The following PDE4D variants were observed in gnomAD, a reference collection of about 807,000 sequenced individuals.
The protein encoded by PDE4D is phosphodiesterase 4D, also known as 3',5'-cyclic-AMP phosphodiesterase 4D.
A neutral mutation model predicts 87.4 loss-of-function variants in PDE4D; 24 were observed. The observed-to-expected ratio is 0.27, with a 90% CI of 0.20 to 0.39. PDE4D has a LOEUF of 0.39. Ranked by LOEUF, PDE4D falls within the 10% of genes least tolerant of loss-of-function variation. PDE4D has a pLI of 1.00. For synonymous variants in PDE4D, 384 were observed against 383.2 expected (o/e 1.00, Z -0.02); for missense variants, 714 against 1,041.0 (o/e 0.69, Z 4.32).
chr5:58,980,553 T>G (rs1744866744), intron 11 of PDE4D, among the ~76,000 whole-genome samples: 1 of 152,198 alleles, frequency 6.6e-6, no homozygotes. Flanking sequence ...TTTTATTATA[T>G]ATAGATCAAT....
At chr5:59,627,961 G>T (rs1579972954) in intron 1 of PDE4D, among the ~76,000 whole-genome samples, 1 of 152,162 alleles carries the variant, frequency 6.6e-6, no homozygotes, top group African/African-American at 2.4e-5. Context: ...TGTCCTTAAA[G>T]ACATGTTTCT....
intron 2 of PDE4D, among the ~76,000 whole-genome samples, chr5:59,199,321 G>C (rs1380407688): frequency 6.6e-6 from 1 of 150,824 alleles, no homozygotes; most frequent in African/African-American, 2.4e-5. Context: ...TTGAACTCCT[G>C]GGCTGAAGTG....
intron 1 of PDE4D, among the ~76,000 whole-genome samples, chr5:60,284,807 T>C (rs879474548): frequency 2.0e-5 from 3 of 149,602 alleles, no homozygotes; most frequent in Non-Finnish European, 2.9e-5. Context: ...GTTAAATGAA[T>C]ATATTAAAGT....
intron 1 of PDE4D, among the ~76,000 whole-genome samples, chr5:59,804,436 G>A (rs1767511171): frequency 6.6e-6 from 1 of 152,186 alleles, no homozygotes; most frequent in Admixed American, 6.5e-5. Flanking sequence ...TGGGCAACAA[G>A]TTTGGTTGCC....
chr5:59,610,948 G>A (rs1828922671), intron 1 of PDE4D, among the ~76,000 whole-genome samples: 1 of 152,170 alleles, frequency 6.6e-6, no homozygotes, highest in East Asian at 1.9e-4. Context: ...CTCTTAGAAA[G>A]TGGGAAGAAA....
At chr5:59,341,003 G>A (rs900720114) in intron 1 of PDE4D, among the ~76,000 whole-genome samples, 3 of 152,134 alleles carry the variant, frequency 2.0e-5, no homozygotes, top group Admixed American at 2.0e-4. Flanking sequence ...CACAGTATTA[G>A]TATTTAAACA....
intron 1 of PDE4D, among the ~76,000 whole-genome samples, chr5:59,412,104 G>A (rs1439558430): frequency 1.3e-5 from 2 of 152,136 alleles, no homozygotes; most frequent in African/African-American, 2.4e-5. Context: ...TTTCTGTGAT[G>A]AACTTTTATA....
At chr5:60,464,278 T>C (rs1176050000) in intron 1 of PDE4D, among the ~76,000 whole-genome samples, 1 of 152,236 alleles carries the variant, frequency 6.6e-6, no homozygotes, top group Non-Finnish European at 1.5e-5. Context: ...TTGAATTTCA[T>C]GTTTTACAAA....
chr5:59,829,705 A>C (rs1740887628), intron 1 of PDE4D, among the ~76,000 whole-genome samples: 1 of 152,098 alleles, frequency 6.6e-6, no homozygotes, highest in South Asian at 2.1e-4. Context: ...AACCCTTTGC[A>C]AAATCACTAT....
intron 1 of PDE4D, among the ~76,000 whole-genome samples, chr5:59,841,126 T>C (rs1742940853): frequency 6.6e-6 from 1 of 152,102 alleles, no homozygotes; most frequent in African/African-American, 2.4e-5. Context: ...GCCACTGAGA[T>C]AATTCTAGCC....
chr5:59,175,478 T>TC (rs1783682792), intron 5 of PDE4D, among the ~76,000 whole-genome samples: 1 of 126,790 alleles, frequency 7.9e-6, no homozygotes, highest in Non-Finnish European at 1.7e-5. Context: ...TTTCTTTTTT[T>TC]TTTTTTTTTT....
intron 1 of PDE4D, among the ~76,000 whole-genome samples, chr5:60,314,502 A>G (rs980728391): frequency 1.3e-5 from 2 of 152,108 alleles, no homozygotes; most frequent in East Asian, 1.9e-4. Flanking sequence ...TATTATTATT[A>G]TACTTTAAGT....
At chr5:59,063,385 T>C (rs1307196716) in intron 5 of PDE4D, 1 of 152,222 alleles carries the variant, frequency 6.6e-6, no homozygotes, top group African/African-American at 2.4e-5. Context: ...TCACTTTTAT[T>C]GGCCAATGTA....
chr5:60,227,244 G>T (rs955942030), intron 1 of PDE4D, among the ~76,000 whole-genome samples: 1 of 152,004 alleles, frequency 6.6e-6, no homozygotes, highest in Non-Finnish European at 1.5e-5. Flanking sequence ...CATAACATAG[G>T]TGGATATGCC....
intron 1 of PDE4D, among the ~76,000 whole-genome samples, chr5:59,734,395 T>A (rs1757797807): frequency 6.6e-6 from 1 of 152,172 alleles, no homozygotes; most frequent in African/African-American, 2.4e-5. Flanking sequence ...TTATTCTATT[T>A]GTCCTAAGAA....
chr5:59,944,123 A>G (rs1757474369), intron 3 of PDE4D, among the ~76,000 whole-genome samples: 1 of 152,246 alleles, frequency 6.6e-6, no homozygotes, highest in South Asian at 2.1e-4. Flanking sequence ...GAGGAGACTA[A>G]GGAAGTGTTA....
At chr5:59,797,549 A>T (rs909641475) in intron 1 of PDE4D, among the ~76,000 whole-genome samples, 2 of 152,182 alleles carry the variant, frequency 1.3e-5, no homozygotes, top group Non-Finnish European at 1.5e-5. Context: ...GTTCTTGAGG[A>T]TCACTCTTTA....
intron 1 of PDE4D, among the ~76,000 whole-genome samples, chr5:59,236,583 C>G (rs1756471110): frequency 6.6e-6 from 1 of 152,132 alleles, no homozygotes; most frequent in Non-Finnish European, 1.5e-5. Context: ...TCCAACTGGA[C>G]AGCACTGAAC....
At chr5:59,742,074 T>G (rs115498318) in intron 1 of PDE4D, among the ~76,000 whole-genome samples, 136 of 152,038 alleles carry the variant, frequency 8.9e-4, no homozygotes, top group African/African-American at 3.2e-3. Context: ...GGGGGGAGGG[T>G]AGGGTGTGGA....
Sources: gnomAD v4.1 joint callset for allele counts (sites outside exome capture counted in the v4.1 genomes callset) on GRCh38, gnomAD v4.1.1 for gene constraint, MANE v1.5 for transcripts, NCBI Gene and HGNC (gene_info 2026-07-23, HGNC 2026-07-21) for gene names.